The following DIS3L2 variants were observed in gnomAD, a reference collection of about 807,000 sequenced individuals.
DIS3L2 encodes the protein DIS3 like 3'-5' exoribonuclease 2.
Under a neutral mutation model 97.5 loss-of-function variants are expected in DIS3L2, and 34 were observed. The ratio of observed to expected loss-of-function variants is 0.35; its 90% CI spans 0.27 to 0.46. The LOEUF is 0.46. DIS3L2 is among the 20% of genes least tolerant of loss of function. The probability of loss-of-function intolerance (pLI) is 1.00; values close to 1 mark genes in which losing one functional copy is unlikely to be tolerated. For synonymous variants in DIS3L2, 435 were observed against 445.2 expected (o/e 0.98, Z 0.29); for missense variants, 1,038 against 1,146.0 (o/e 0.91, Z 1.36).
At chr2:232,241,640 C>T (rs1201017815) in intron 11 of DIS3L2, among the ~76,000 whole-genome samples, 1 of 152,140 alleles carries the variant, frequency 6.6e-6, no homozygotes, top group African/African-American at 2.4e-5. Context: ...ATTTAAATAT[C>T]AGGAAAAAAC....
Position 232,281,951 on chromosome 2 carries a change from T to C in DIS3L2, c.1660-18089T>C, listed in dbSNP as rs1477298991. ...GGACTAGAAGCAATATGAAATCTAA[T>C]TGGCAAGACCACGGTGAGCACACAG... On this transcript the variant is annotated intron_variant, in intron 13 of 20. Coordinates refer to ENST00000325385, the MANE Select transcript of DIS3L2 (RefSeq NM_152383.5). This position sits in a 1 kb window ranked among gnomAD's most constrained non-coding sequence, Gnocchi z 4.1. 6.6e-6 allele frequency among the ~76,000 whole-genome samples: 1 copy of C among 151,906 alleles called. No individual in the cohort carries two copies. Among genetic ancestry groups the C allele is most frequent in the Non-Finnish European group, 1.5e-5 (1 of 67,976 alleles).
intron 6 of DIS3L2, among the ~76,000 whole-genome samples, chr2:232,114,536 C>T (rs892895371): frequency 6.6e-6 from 1 of 152,084 alleles, no homozygotes; most frequent in African/African-American, 2.4e-5. Flanking sequence ...TTATGACATC[C>T]AGTGGGCAAT....
In DIS3L2 at chr2:232,300,072, C is replaced by T. The variant is rs746593311; in HGVS notation, c.1692C>T (p.Thr564=). 5.6e-6 allele frequency: 9 copies of T among 1,613,776 alleles called. No homozygotes were observed. In the Admixed American group the frequency reaches 6.7e-5, roughly 12 times the overall value. Residue 564 remains threonine, a synonymous_variant, in exon 14 of 21, where the codon ACC becomes ACT. Transcript: ENST00000325385. ...TTGCTTTCACTCTGGACCACGAGACCGGATTGCCTCAAGGATGTCATATCT... is the reference window on the plus strand; with the variant it reads ...TTGCTTTCACTCTGGACCACGAGACTGGATTGCCTCAAGGATGTCATATCT... ...LKLAFTLDHE[T]GLPQGCHIYE... is the part of the protein sequence containing the mutation.
chr2:232,029,982 G>A lies in DIS3L2; in HGVS notation c.268G>A (p.Gly90Ser), dbSNP rs1163581987. 1.9e-6 allele frequency: 3 copies of A among 1,596,170 alleles called. No homozygotes were observed. The highest frequency in any genetic ancestry group is 1.4e-5 in the African/African-American group (1 of 73,648). ...FHEAFIPSPD[G>S]DRDIFIDGVV... ...TTTATTTCTTTTTCCAACCTAGGAT[G>A]GTGATCGAGACATTTTTATTGATGG... The change falls in exon 5 of 21, where the codon GGT becomes AGT. Residue 90 changes from glycine (G) to serine (S), a missense_variant. By Grantham distance (56) the Gly-to-Ser change is moderately conservative. Transcript: ENST00000325385.
At chr2:231,975,049 G>C (rs1693041217) in intron 1 of DIS3L2, among the ~76,000 whole-genome samples, 1 of 152,130 alleles carries the variant, frequency 6.6e-6, no homozygotes, top group Non-Finnish European at 1.5e-5. Context: ...GTATAGAGTT[G>C]AACTGGTTTA....
intron 10 of DIS3L2, among the ~76,000 whole-genome samples, chr2:232,217,313 C>T (rs190608308): frequency 2.6e-5 from 4 of 152,300 alleles, no homozygotes; most frequent in Admixed American, 2.6e-4. Flanking sequence ...ACAACACAGA[C>T]TGCCTTTCCC....
chr2:232,111,554 T>C (rs1697534364), intron 6 of DIS3L2, among the ~76,000 whole-genome samples: 1 of 152,212 alleles, frequency 6.6e-6, no homozygotes, highest in Admixed American at 6.5e-5. Flanking sequence ...GGAAATGTTC[T>C]AATCTATACT....
At chr2:232,125,310 A>G (rs1163878779) in intron 6 of DIS3L2, among the ~76,000 whole-genome samples, 3 of 152,258 alleles carry the variant, frequency 2.0e-5, no homozygotes, top group Non-Finnish European at 4.4e-5. Context: ...CCCTGAGGAC[A>G]GAGCTTGATA....
intron 4 of DIS3L2, among the ~76,000 whole-genome samples, chr2:232,024,580 A>G (rs961531399): frequency 6.6e-6 from 1 of 152,240 alleles, no homozygotes; most frequent in Non-Finnish European, 1.5e-5. Context: ...AGCTGGACCC[A>G]GGCAGACTAC....
chr2:232,235,993 A>T (rs7601844), intron 10 of DIS3L2, among the ~76,000 whole-genome samples: 3,391 of 152,256 alleles, frequency 0.022, 124 homozygotes, highest in African/African-American at 0.076. Context: ...TGGGAAACAG[A>T]TCTGTTATGT....
chr2:232,163,772 G>A (rs1274479543), intron 9 of DIS3L2, 140 bp downstream of exon 9: 1 of 863,172 alleles, frequency 1.2e-6, no homozygotes, highest in Non-Finnish European at 1.7e-6. Flanking sequence ...TACCACAGTT[G>A]GCAAATTATG....
intron 5 of DIS3L2, among the ~76,000 whole-genome samples, chr2:232,082,612 A>G (rs745960531): frequency 1.3e-5 from 2 of 152,222 alleles, no homozygotes; most frequent in African/African-American, 2.4e-5. Context: ...GTCTTCCACA[A>G]AACCAGTCCC....
chr2:231,994,958 G>A (rs1002649196), intron 1 of DIS3L2, among the ~76,000 whole-genome samples: 1 of 151,684 alleles, frequency 6.6e-6, no homozygotes, highest in African/African-American at 2.4e-5. Context: ...GACTACAGGT[G>A]CATGCCACCA....
At chr2:232,055,856 T>C (rs1410684170) in intron 5 of DIS3L2, among the ~76,000 whole-genome samples, 1 of 152,202 alleles carries the variant, frequency 6.6e-6, no homozygotes, top group Admixed American at 6.5e-5. Flanking sequence ...AACAGTGCAC[T>C]GCAGTGGAGG....
intron 14 of DIS3L2, 28 bp from the exon 15 acceptor site, chr2:232,329,785 T>TCCCGGGGGGGGCCCCCCCC: frequency 1.0e-6 from 1 of 967,140 alleles, no homozygotes. Flanking sequence ...ACCCCAGCGG[T>TCCCGGGGGGGGCCCCCCCC]CCCTCCCATC....
chr2:232,264,220 C>T (rs1457870260), intron 13 of DIS3L2, among the ~76,000 whole-genome samples: 2 of 152,230 alleles, frequency 1.3e-5, no homozygotes, highest in Non-Finnish European at 2.9e-5. Flanking sequence ...GGTGGTCATA[C>T]TCACTCACTG....
chr2:232,130,531 G>A, intron 6 of DIS3L2, 88 bp from the exon 7 acceptor site: 3 of 1,460,740 alleles, frequency 2.1e-6, no homozygotes, highest in Non-Finnish European at 2.7e-6. Flanking sequence ...TGGTATCCAG[G>A]CATCTTTCTA....
chr2:231,981,841 C>T (rs1256445178), intron 1 of DIS3L2, among the ~76,000 whole-genome samples: 2 of 150,650 alleles, frequency 1.3e-5, no homozygotes, highest in East Asian at 3.9e-4. Flanking sequence ...CAAGACCAGC[C>T]TGGGCAACAT....
chr2:232,087,162 G>GTCC (rs1258024137), intron 5 of DIS3L2, among the ~76,000 whole-genome samples: 1 of 151,994 alleles, frequency 6.6e-6, no homozygotes, highest in African/African-American at 2.4e-5. Context: ...TATGGTGAGG[G>GTCC]TTTATGAAGC....
Sources: allele counts gnomAD v4.1 joint callset (sites outside exome capture counted in the v4.1 genomes callset), GRCh38; gene constraint gnomAD v4.1.1; non-coding constraint Gnocchi (gnomAD v3.1); transcripts MANE v1.5; gene names NCBI Gene and HGNC (gene_info 2026-07-23, HGNC 2026-07-21).